GRIN2A: variants seen among roughly 807,000 people sequenced by gnomAD.
GRIN2A encodes the protein glutamate receptor ionotropic, NMDA 2A.
A neutral mutation model predicts 113.4 loss-of-function variants in GRIN2A; 22 were observed. The ratio of observed to expected loss-of-function variants is 0.19; its 90% CI spans 0.14 to 0.28. The LOEUF is 0.28. Among genes scored for constraint, GRIN2A ranks in the 10% least tolerant of loss-of-function variants. The pLI, the probability that GRIN2A is intolerant of heterozygous loss-of-function variation, is 1.00. For missense variants in GRIN2A, 1,502 were observed against 1,887.0 expected (o/e 0.80, Z 3.78); for synonymous variants, 827 against 738.4 (o/e 1.12, Z -1.94).
intron 3 of GRIN2A, among the ~76,000 whole-genome samples, chr16:9,922,187 C>G (rs762170464): frequency 9.2e-5 from 14 of 152,064 alleles, no homozygotes; most frequent in Admixed American, 2.0e-4. Context: ...CAGAAGCCTG[C>G]TTTGTACAAA....
chr16:9,920,105 G>T (rs1230519539), intron 3 of GRIN2A, among the ~76,000 whole-genome samples: 2 of 152,176 alleles, frequency 1.3e-5, no homozygotes, highest in South Asian at 4.1e-4. Flanking sequence ...GCTTTGAGCA[G>T]CATGCTTTTT....
chr16:10,059,625 G>C (rs1425591371), intron 2 of GRIN2A, among the ~76,000 whole-genome samples: 1 of 151,204 alleles, frequency 6.6e-6, no homozygotes, highest in Non-Finnish European at 1.5e-5. Context: ...TCAGACAACA[G>C]AGCGTCTTAA....
chr16:9,988,397 T>C lies in GRIN2A; in HGVS notation c.415-49846A>G, dbSNP rs575394059. Among the ~76,000 whole-genome samples, 3 of 152,202 alleles carry C rather than the reference T, an allele frequency of 2.0e-5. No homozygotes were observed. In the South Asian group the frequency reaches 6.2e-4, roughly 32 times the overall value. ...AATTATACCACTCAATTTTCTACAATTTGAACACATCCATACAACCATTTT... is the reference window on the plus strand; with the variant it reads ...AATTATACCACTCAATTTTCTACAACTTGAACACATCCATACAACCATTTT... On this transcript the variant is annotated intron_variant, in intron 2 of 12. Transcript: ENST00000330684.
chr16:9,841,223 G>T, intron 5 of GRIN2A, 119 bp from the exon 6 acceptor site: 1 of 836,898 alleles, frequency 1.2e-6, no homozygotes. Context: ...AGGGGAAGTG[G>T]CTTTCCCAAG....
chr16:9,834,408 C>T (rs990678720), intron 7 of GRIN2A, among the ~76,000 whole-genome samples, 178 bp from the exon 8 acceptor site: 2 of 152,070 alleles, frequency 1.3e-5, no homozygotes, highest in African/African-American at 4.8e-5. Context: ...GATGTAGCTT[C>T]ACTCTCTGTG....
chr16:10,107,675 C>T (rs563624190), intron 2 of GRIN2A, among the ~76,000 whole-genome samples: 17 of 152,340 alleles, frequency 1.1e-4, no homozygotes, highest in Non-Finnish European at 1.0e-4. Flanking sequence ...GGAATCCCAG[C>T]AGTTTAGAAG....
intron 2 of GRIN2A, chr16:10,171,499 C>T (rs1025969004): frequency 1.9e-4 from 29 of 152,172 alleles, no homozygotes; most frequent in Admixed American, 4.6e-4. Context: ...ATTTAGCTTC[C>T]GTTTGCCAGG....
At chr16:9,788,070 A>T (rs1373275645) in intron 11 of GRIN2A, among the ~76,000 whole-genome samples, 1 of 152,198 alleles carries the variant, frequency 6.6e-6, no homozygotes, top group African/African-American at 2.4e-5. Flanking sequence ...CATCTGCAGC[A>T]TGGCTAATTC....
intron 2 of GRIN2A, among the ~76,000 whole-genome samples, chr16:10,086,729 G>C (rs1037761925): frequency 1.3e-5 from 2 of 152,226 alleles, no homozygotes; most frequent in Non-Finnish European, 1.5e-5. Flanking sequence ...CAAAGCGTAG[G>C]CATATGCTAC....
At chr16:9,970,769 T>G (rs1352145181) in intron 2 of GRIN2A, 1 of 960,760 alleles carries the variant, frequency 1.0e-6, no homozygotes, top group African/African-American at 1.8e-5. Flanking sequence ...GCTGGTAAAC[T>G]CTCAACAGGA....
intron 6 of GRIN2A, 29 bp from the exon 7 acceptor site, chr16:9,840,829 AAAAAGAGAG>A: frequency 2.1e-6 from 3 of 1,424,484 alleles, no homozygotes; most frequent in African/African-American, 3.1e-5. Flanking sequence ...AAAAAAAAAA[AAAAAGAGAG>A]AGAGAGAACA....
chr16:9,913,044 C>T (rs151182402), intron 3 of GRIN2A, among the ~76,000 whole-genome samples: 4 of 152,374 alleles, frequency 2.6e-5, no homozygotes, highest in Non-Finnish European at 5.9e-5. Flanking sequence ...ATTCCAGTGT[C>T]CACATGATTT....
At chr16:9,982,535 G>A (rs929094727) in intron 2 of GRIN2A, among the ~76,000 whole-genome samples, 9 of 152,190 alleles carry the variant, frequency 5.9e-5, no homozygotes, top group Admixed American at 3.3e-4. Flanking sequence ...TACAGTAAAC[G>A]CATGCTTCTT....
At chr16:10,074,268 C>A (rs1480853171) in intron 2 of GRIN2A, among the ~76,000 whole-genome samples, 1 of 152,210 alleles carries the variant, frequency 6.6e-6, no homozygotes, top group Non-Finnish European at 1.5e-5. Context: ...ACCCCGTACA[C>A]TGATTGTGAG....
intron 4 of GRIN2A, among the ~76,000 whole-genome samples, chr16:9,878,267 A>G (rs2043410733): frequency 6.6e-6 from 1 of 152,182 alleles, no homozygotes; most frequent in Non-Finnish European, 1.5e-5. Context: ...CTTGGGCTCA[A>G]GTCCTGCCTT....
chr16:10,046,991 G>A (rs1218667563), intron 2 of GRIN2A, among the ~76,000 whole-genome samples: 1 of 152,120 alleles, frequency 6.6e-6, no homozygotes, highest in Non-Finnish European at 1.5e-5. Context: ...TGCACTGTAG[G>A]ATGTGTAGAA....
chr16:9,901,581 T>C (rs970808785), intron 3 of GRIN2A, among the ~76,000 whole-genome samples: 19 of 152,200 alleles, frequency 1.2e-4, no homozygotes, highest in Middle Eastern at 6.8e-3. Context: ...TGCCTCAGCC[T>C]CCCGAGTAGC....
chr16:9,870,636 T>C (rs1225437001), intron 4 of GRIN2A, among the ~76,000 whole-genome samples: 6 of 150,210 alleles, frequency 4.0e-5, no homozygotes, highest in East Asian at 1.9e-4. Flanking sequence ...TTCTTTTTTT[T>C]TTTTTTTTCT....
intron 2 of GRIN2A, among the ~76,000 whole-genome samples, chr16:10,124,301 T>C (rs2048886309): frequency 6.6e-6 from 1 of 152,086 alleles, no homozygotes. Context: ...ATTGGGATAA[T>C]AAAACCTACC....
Sources: gnomAD v4.1 joint callset for allele counts (sites outside exome capture counted in the v4.1 genomes callset) on GRCh38, gnomAD v4.1.1 for gene constraint, MANE v1.5 for transcripts, NCBI Gene and HGNC (gene_info 2026-07-23, HGNC 2026-07-21) for gene names.